The following USP34 variants were observed in gnomAD, a reference collection of about 807,000 sequenced individuals.
The protein encoded by USP34 is ubiquitin carboxyl-terminal hydrolase 34.
In USP34, 70 loss-of-function variants were observed where a neutral mutation model predicts 460.3. The ratio of observed to expected loss-of-function variants is 0.15; its 90% CI spans 0.13 to 0.19. The LOEUF is 0.19. Among genes scored for constraint, USP34 ranks in the 10% least tolerant of loss-of-function variants. USP34 has a pLI of 1.00. For missense variants in USP34, 3,985 were observed against 4,236.2 expected (o/e 0.94, Z 1.65); for synonymous variants, 1,647 against 1,405.3 (o/e 1.17, Z -3.85).
chr2:61,337,562 C>T (rs1050590264), intron 18 of USP34, among the ~76,000 whole-genome samples: 3 of 152,148 alleles, frequency 2.0e-5, no homozygotes, highest in African/African-American at 4.8e-5. Context: ...ACAAGCAATC[C>T]TCCTACCTCA....
intron 1 of USP34, among the ~76,000 whole-genome samples, chr2:61,446,283 T>C (rs1417111681): frequency 2.6e-5 from 4 of 152,176 alleles, no homozygotes; most frequent in Non-Finnish European, 4.4e-5. Context: ...AAGATGGCTG[T>C]ATCCTTCTAA....
At chr2:61,264,531 C>T (rs948494569) in intron 43 of USP34, among the ~76,000 whole-genome samples, 6 of 151,880 alleles carry the variant, frequency 4.0e-5, no homozygotes. Context: ...GTCCCAGTTA[C>T]TCAGGAGGCT....
At position 61,280,325 on chromosome 2, in the gene USP34, T is replaced by G; in HGVS notation, c.5175A>C (p.Pro1725=). The G allele has an allele frequency of 6.5e-7, 1 of 1,540,202 alleles. No individual in the cohort carries two copies. Residue 1725 remains proline (P), a synonymous_variant, in exon 39 of 80, where the codon CCA becomes CCC. Coordinates refer to ENST00000398571, the MANE Select transcript of USP34 (RefSeq NM_014709.4). ...PIRIDDYEEE[P]ILKPGCKEYF... ...ACTCTTTACATCCTGGTTTTAATATTGGTTCTTCCTCATAATCATCTATCT... is the reference window on the plus strand; with the variant it reads ...ACTCTTTACATCCTGGTTTTAATATGGGTTCTTCCTCATAATCATCTATCT...
At chr2:61,189,271 T>G (rs1009052407) in intron 78 of USP34, 34 of 487,374 alleles carry the variant, frequency 7.0e-5, no homozygotes, top group Admixed American at 4.7e-4. Context: ...TTTTTTTTTT[T>G]GTTTTGTTTT....
chr2:61,354,137 G>T (rs780263662), intron 10 of USP34, among the ~76,000 whole-genome samples: 1 of 152,084 alleles, frequency 6.6e-6, no homozygotes, highest in Non-Finnish European at 1.5e-5. Context: ...TGAAAGACAT[G>T]AATCTACAAA....
In USP34 at chr2:61,296,377, T is replaced by C. The variant is rs28394823; in HGVS notation, c.4254+423A>G. Among the ~76,000 whole-genome samples, 938 of 152,332 alleles carry C rather than the reference T, an allele frequency of 6.2e-3. 9 individuals carry two copies. The highest frequency in any genetic ancestry group is 0.021 in the African/African-American group (880 of 41,580). On this transcript the variant is annotated intron_variant, in intron 30 of 79. Coordinates refer to ENST00000398571, the MANE Select transcript of USP34 (RefSeq NM_014709.4). ...TGGAAAAAAAATTATCACACAGATA[T>C]TAAATTTATTTGCCTCATTTTCTCC... is the stretch of plus-strand genomic sequence containing the variant.
At chr2:61,227,582 G>A (rs571677565) in intron 61 of USP34, among the ~76,000 whole-genome samples, 18 of 152,104 alleles carry the variant, frequency 1.2e-4, no homozygotes, top group African/African-American at 3.6e-4. Context: ...GTGGTGGCAC[G>A]CGCTTGTAAT....
At chr2:61,219,491 T>C (rs1373615479) in intron 67 of USP34, among the ~76,000 whole-genome samples, 3 of 152,026 alleles carry the variant, frequency 2.0e-5, no homozygotes, top group African/African-American at 7.2e-5. Context: ...GTCAACACGG[T>C]AAAACCCTGT....
At position 61,470,956 on chromosome 2, in the gene USP34, G is replaced by A. The variant is rs929313395; in HGVS notation, c.-264C>T. Among the ~76,000 whole-genome samples, 99 of 134,628 alleles carry A rather than the reference G, an allele frequency of 7.4e-4. 1 individual carries two copies. The highest frequency in any genetic ancestry group is 3.2e-3 in the South Asian group (12 of 3,714). The allele number at this position is 134,628 out of a possible 152,430, so 88.3% of individuals were successfully genotyped here. A position where few individuals can be genotyped will look rare whatever the true frequency, so the allele number is the denominator to read the frequency against. ...CGCCGAGGCGCCGGCGGCGGGGAAG[G>A]GGGGGAAGGACGGGGGGAGGGGAGA... On this transcript the variant is annotated 5_prime_UTR_variant, in exon 1 of 80. Transcript: ENST00000398571.
chr2:61,251,433 TCTA>T (rs1248326876), intron 48 of USP34, among the ~76,000 whole-genome samples: 2 of 152,254 alleles, frequency 1.3e-5, no homozygotes, highest in Non-Finnish European at 2.9e-5. Context: ...ATGCAGGTTG[TCTA>T]CTAAAGATTA....
rs571814509 is a variant in USP34, at chr2:61,243,688, T to C, written c.6627+1522A>G. On this transcript the variant is annotated intron_variant, in intron 51 of 79. Coordinates refer to ENST00000398571, the MANE Select transcript of USP34 (RefSeq NM_014709.4). Reference sequence around the variant, plus strand: ...GAGATCAAGACCATCCTAGCCAACATGGTGAAACCCCGTCTCCACTTAAAA... The same window carrying C: ...GAGATCAAGACCATCCTAGCCAACACGGTGAAACCCCGTCTCCACTTAAAA... Among the ~76,000 whole-genome samples the C allele has an allele frequency of 2.6e-3, 390 of 151,690 alleles. 1 individual carries two copies. The highest frequency in any genetic ancestry group is 4.1e-3 in the Non-Finnish European group (280 of 67,886).
intron 10 of USP34, among the ~76,000 whole-genome samples, chr2:61,353,201 C>A (rs1178311459): frequency 2.6e-5 from 4 of 152,188 alleles, no homozygotes. Flanking sequence ...CGACAGCTAG[C>A]TGATTGCTAA....
intron 62 of USP34, 63 bp from the exon 63 acceptor site, chr2:61,223,359 C>T (rs1456128625): frequency 9.6e-6 from 14 of 1,462,308 alleles, no homozygotes; most frequent in Non-Finnish European, 9.4e-7. Context: ...CAGCGATTTA[C>T]AACATGTATC....
chr2:61,331,790 T>TAA (rs58385680), intron 19 of USP34, among the ~76,000 whole-genome samples: 58 of 151,626 alleles, frequency 3.8e-4, no homozygotes, highest in African/African-American at 1.3e-3. Context: ...AAATTTTTTT[T>TAA]AAAAAAATCA....
At chr2:61,376,002 T>C (rs370180909) in intron 8 of USP34, among the ~76,000 whole-genome samples, 2 of 151,986 alleles carry the variant, frequency 1.3e-5, no homozygotes, top group African/African-American at 4.8e-5. Context: ...AAATGAAATA[T>C]CTCAAAATGG....
At chr2:61,390,957 T>A (rs1172625227) in intron 5 of USP34, among the ~76,000 whole-genome samples, 1 of 151,840 alleles carries the variant, frequency 6.6e-6, no homozygotes, top group African/African-American at 2.4e-5. Context: ...TAGCTGGGCA[T>A]GGTGGTGCGT....
intron 49 of USP34, among the ~76,000 whole-genome samples, chr2:61,247,858 A>C (rs746192096): frequency 3.8e-4 from 58 of 152,230 alleles, no homozygotes; most frequent in African/African-American, 1.4e-3. Flanking sequence ...GCAGTAGTGC[A>C]ATCTCAACTC....
rs1245357995 is a variant in USP34 at position 61,378,399 on chromosome 2, A to C, written c.1040T>G (p.Val347Gly). ...CGATACTAATGATTCATTATTGCAC[A>C]CATCATTGAAGGTATGGAGTTGATT... is the stretch of plus-strand genomic sequence containing the variant. ...ITNQLHTFND[V>G]CNNESLVSDT... is the part of the protein sequence containing the mutation. The change falls in exon 8 of 80, where the codon GTG becomes GGG. Residue 347 changes from valine (V) to glycine (G), a missense_variant. Physicochemically the swap from Val to Gly is moderately radical, Grantham distance 109. Coordinates refer to ENST00000398571, the MANE Select transcript of USP34 (RefSeq NM_014709.4). 2 of 1,595,110 alleles carry C rather than the reference A, an allele frequency of 1.3e-6. No individual in the cohort carries two copies. The highest frequency in any genetic ancestry group is 8.5e-7 in the Non-Finnish European group (1 of 1,174,204).
At chr2:61,460,545 A>G (rs550359438) in intron 1 of USP34, among the ~76,000 whole-genome samples, 11 of 152,116 alleles carry the variant, frequency 7.2e-5, no homozygotes, top group East Asian at 5.8e-4. Flanking sequence ...AAATAATGAG[A>G]AAAAAAACAG....
Sources: allele counts gnomAD v4.1 joint callset (sites outside exome capture counted in the v4.1 genomes callset), GRCh38; gene constraint gnomAD v4.1.1; transcripts MANE v1.5; gene names NCBI Gene and HGNC (gene_info 2026-07-23, HGNC 2026-07-21).